SYT14: variants seen among roughly 807,000 people sequenced by gnomAD.
The protein encoded by SYT14 is synaptotagmin-14.
A neutral mutation model predicts 74.2 loss-of-function variants in SYT14; 32 were observed. The ratio of observed to expected loss-of-function variants is 0.43; its 90% CI spans 0.33 to 0.58. The LOEUF (loss-of-function observed/expected upper bound fraction) is 0.58, where lower values mean the gene tolerates loss of function less well. SYT14 is among the 20% of genes least tolerant of loss of function. The pLI is 0.05. For missense variants in SYT14, 791 were observed against 981.8 expected (o/e 0.81, Z 2.60); for synonymous variants, 298 against 337.7 (o/e 0.88, Z 1.29).
chr1:210,020,857 ATG>A lies in SYT14; in HGVS notation c.1097-168_1097-167del, dbSNP rs111670536. On this transcript the variant is annotated intron_variant, in intron 4 of 9. Coordinates refer to ENST00000637265, the Ensembl canonical transcript of SYT14. The stretch of plus-strand genomic sequence containing the variant: ...AAAATTCAGGTTGTGTATAATATAT[ATG>A]TGTGTGTGTGTGTATATATGTGTGC... 3.0e-4 allele frequency among the ~76,000 whole-genome samples: 45 copies of A among 151,528 alleles called. No homozygotes were observed. The East Asian group carries it at 3.9e-3, about 13-fold the overall frequency.
chr1:210,064,098 C>T (rs1057193663), intron 5 of SYT14, among the ~76,000 whole-genome samples: 29 of 151,884 alleles, frequency 1.9e-4, no homozygotes, highest in African/African-American at 4.8e-4. Flanking sequence ...AAAATATATA[C>T]GCAGCATACA....
chr1:210,000,373 A>G (rs975133174), intron 2 of SYT14, among the ~76,000 whole-genome samples: 87 of 151,626 alleles, frequency 5.7e-4, no homozygotes, highest in Non-Finnish European at 1.2e-3. Flanking sequence ...GGGATAGTGC[A>G]TGATGCAGAG....
At chr1:210,046,399 C>G (rs1385771648) in intron 5 of SYT14, among the ~76,000 whole-genome samples, 2 of 144,704 alleles carry the variant, frequency 1.4e-5, no homozygotes, top group East Asian at 4.0e-4. Context: ...AAAATTTACT[C>G]ATTTCAAGTG....
At chr1:210,109,514 G>A (rs979326737) in intron 7 of SYT14, among the ~76,000 whole-genome samples, 1 of 150,032 alleles carries the variant, frequency 6.7e-6, no homozygotes, top group African/African-American at 2.4e-5. Context: ...GGAGGTGGAG[G>A]TTGCAGTGAG....
intron 5 of SYT14, among the ~76,000 whole-genome samples, chr1:210,021,982 T>C (rs2080312979): frequency 6.6e-6 from 1 of 152,248 alleles, no homozygotes; most frequent in African/African-American, 2.4e-5. Context: ...AATTAAAGCA[T>C]ATTTATTTCC....
At chr1:210,136,892 A>G (rs1180970969) in intron 7 of SYT14, among the ~76,000 whole-genome samples, 3 of 151,742 alleles carry the variant, frequency 2.0e-5, no homozygotes, top group Non-Finnish European at 4.4e-5. Context: ...AGTCACATTA[A>G]GTCAGAGAGA....
intron 5 of SYT14, among the ~76,000 whole-genome samples, chr1:210,075,328 G>A (rs2081474607): frequency 6.8e-6 from 1 of 148,080 alleles, no homozygotes; most frequent in African/African-American, 2.5e-5. Flanking sequence ...TGCCTGCTAG[G>A]GTCTCGAGGG....
chr1:210,108,154 A>G (rs1336698818), intron 7 of SYT14, among the ~76,000 whole-genome samples: 1 of 152,236 alleles, frequency 6.6e-6, no homozygotes, highest in Non-Finnish European at 1.5e-5. Flanking sequence ...GCTCTTGCTT[A>G]CACTTCTGTG....
intron 7 of SYT14, among the ~76,000 whole-genome samples, chr1:210,113,363 G>A (rs1056626180): frequency 1.3e-5 from 2 of 151,114 alleles, no homozygotes; most frequent in African/African-American, 2.5e-5. Context: ...TATGGGTTTG[G>A]CACCATGAGG....
intron 7 of SYT14, among the ~76,000 whole-genome samples, chr1:210,137,364 C>T (rs139737017): frequency 1.8e-3 from 279 of 152,182 alleles, no homozygotes; most frequent in African/African-American, 6.2e-3. Flanking sequence ...GACCTCACTA[C>T]TCTTGTGAAT....
intron 2 of SYT14, among the ~76,000 whole-genome samples, chr1:209,968,525 T>C (rs1034596266): frequency 6.6e-6 from 1 of 152,078 alleles, no homozygotes; most frequent in African/African-American, 2.4e-5. Flanking sequence ...ATATGGAGTA[T>C]GCTCCGCATA....
intron 5 of SYT14, among the ~76,000 whole-genome samples, chr1:210,052,423 G>A (rs1441057568): frequency 6.6e-6 from 1 of 152,048 alleles, no homozygotes; most frequent in African/African-American, 2.4e-5. Flanking sequence ...AGCACCCTGG[G>A]AGGCCGAGGC....
At chr1:210,037,328 G>A (rs995832074) in intron 5 of SYT14, among the ~76,000 whole-genome samples, 2 of 151,656 alleles carry the variant, frequency 1.3e-5, no homozygotes, top group Admixed American at 6.6e-5. Context: ...TTCCTCTTTT[G>A]TTTGTCTTGG....
At chr1:210,048,094 C>T (rs2080920553) in intron 5 of SYT14, among the ~76,000 whole-genome samples, 1 of 152,178 alleles carries the variant, frequency 6.6e-6, no homozygotes, top group African/African-American at 2.4e-5. Flanking sequence ...TTCCCCAATA[C>T]CTAGTGGTTT....
At chr1:210,017,545 G>T (rs772025357) in intron 4 of SYT14, among the ~76,000 whole-genome samples, 1 of 152,030 alleles carries the variant, frequency 6.6e-6, no homozygotes, top group African/African-American at 2.4e-5. Flanking sequence ...ATTTCTTTGA[G>T]AGCAATAGAT....
chr1:209,961,125 T>A (rs2079069412), intron 2 of SYT14, among the ~76,000 whole-genome samples: 1 of 152,158 alleles, frequency 6.6e-6, no homozygotes. Flanking sequence ...TAGACAGATT[T>A]GTGCTTTCTT....
At chr1:210,105,616 C>T (rs1025846414) in intron 7 of SYT14, among the ~76,000 whole-genome samples, 4 of 152,154 alleles carry the variant, frequency 2.6e-5, no homozygotes, top group Non-Finnish European at 5.9e-5. Flanking sequence ...TTAACCCCTG[C>T]GGTCGAGAAT....
At chr1:210,109,407 G>A (rs934691365) in intron 7 of SYT14, among the ~76,000 whole-genome samples, 24 of 151,978 alleles carry the variant, frequency 1.6e-4, no homozygotes, top group African/African-American at 5.1e-4. Context: ...GTGAAATCCC[G>A]TCGCTAATAA....
At chr1:210,007,378 A>G (rs749141809) in intron 2 of SYT14, among the ~76,000 whole-genome samples, 1 of 151,980 alleles carries the variant, frequency 6.6e-6, no homozygotes, top group Non-Finnish European at 1.5e-5. Flanking sequence ...ATTGAGCACT[A>G]CTAATGAATA....
Sources: allele counts gnomAD v4.1 joint callset (sites outside exome capture counted in the v4.1 genomes callset), GRCh38; gene constraint gnomAD v4.1.1; transcripts MANE v1.5; gene names NCBI Gene and HGNC (gene_info 2026-07-23, HGNC 2026-07-21).